UNC13C: variants seen among roughly 807,000 people sequenced by gnomAD.
UNC13C encodes protein unc-13 homolog C.
UNC13C carries 174 observed loss-of-function variants against 245.4 expected under a neutral mutation model. The ratio of observed to expected loss-of-function variants is 0.71; its 90% CI spans 0.63 to 0.80. UNC13C has a LOEUF of 0.80. UNC13C is among the 30% of genes least tolerant of loss of function. The pLI is 0.00. For missense variants in UNC13C, 2,829 were observed against 2,602.9 expected, an observed-to-expected ratio of 1.09 and a Z score of -1.89; for synonymous variants, 992 against 895.1, an observed-to-expected ratio of 1.11 and a Z score of -1.93.
At chr15:54,485,366 T>C (rs1893351795) in intron 19 of UNC13C, among the ~76,000 whole-genome samples, 2 of 152,220 alleles carry the variant, frequency 1.3e-5, no homozygotes, top group South Asian at 4.1e-4. Context: ...CTCAGGTTAT[T>C]TAGTAGGAAA....
chr15:54,254,057 T>C (rs560406190), intron 8 of UNC13C, among the ~76,000 whole-genome samples: 1 of 152,258 alleles, frequency 6.6e-6, no homozygotes, highest in Non-Finnish European at 1.5e-5. Context: ...TGCTTTCTAC[T>C]GACATTATGT....
At chr15:54,099,293 G>A (rs1404693622) in intron 2 of UNC13C, among the ~76,000 whole-genome samples, 1 of 152,064 alleles carries the variant, frequency 6.6e-6, no homozygotes, top group Non-Finnish European at 1.5e-5. Flanking sequence ...TTTCTCCCAT[G>A]GAAAAAGCCA....
chr15:54,090,689 T>G (rs1899518193), intron 2 of UNC13C, among the ~76,000 whole-genome samples: 1 of 152,208 alleles, frequency 6.6e-6, no homozygotes, highest in Admixed American at 6.5e-5. Context: ...TACTCATCCC[T>G]TTTTCCATCT....
intron 2 of UNC13C, among the ~76,000 whole-genome samples, chr15:54,017,943 T>C (rs981630083): frequency 4.6e-5 from 7 of 152,210 alleles, no homozygotes; most frequent in Non-Finnish European, 7.3e-5. Context: ...GGATATCATC[T>C]GTCCTAGAGG....
chr15:53,849,039 T>A, the UNC13C span, among the ~76,000 whole-genome samples: 1 of 151,856 alleles, frequency 6.6e-6, no homozygotes, highest in Admixed American at 6.6e-5. Context: ...GAATTTCTTG[T>A]AGATAGCTGC....
At chr15:54,410,937 A>G (rs1038076188) in intron 18 of UNC13C, among the ~76,000 whole-genome samples, 4 of 152,150 alleles carry the variant, frequency 2.6e-5, no homozygotes, top group Admixed American at 6.5e-5. Flanking sequence ...AACATTTTGC[A>G]TTCTCAAAAG....
chr15:54,592,705 T>C (rs1323812634), intron 30 of UNC13C, among the ~76,000 whole-genome samples: 1 of 152,202 alleles, frequency 6.6e-6, no homozygotes, highest in Admixed American at 6.5e-5. Context: ...GTGAGCCTCC[T>C]GAAGGCAGCA....
chr15:54,367,954 T>G (rs1029629621), intron 17 of UNC13C, among the ~76,000 whole-genome samples: 1 of 152,110 alleles, frequency 6.6e-6, no homozygotes, highest in Non-Finnish European at 1.5e-5. Context: ...TTGGAAAACA[T>G]AACTCTGGAA....
chr15:53,873,882 T>C, the UNC13C span, among the ~76,000 whole-genome samples: 1 of 149,948 alleles, frequency 6.7e-6, no homozygotes, highest in Non-Finnish European at 1.5e-5. Context: ...TTTCTATCTC[T>C]TCTCTTCCTT....
intron 17 of UNC13C, among the ~76,000 whole-genome samples, chr15:54,370,153 A>G (rs963448485): frequency 6.6e-6 from 1 of 152,080 alleles, no homozygotes; most frequent in African/African-American, 2.4e-5. Context: ...ACCTCTTTCT[A>G]TGCACAGATA....
At chr15:54,299,505 G>A (rs887417746) in intron 12 of UNC13C, among the ~76,000 whole-genome samples, 6 of 152,030 alleles carry the variant, frequency 3.9e-5, no homozygotes, top group African/African-American at 1.2e-4. Flanking sequence ...TGCAAAATAC[G>A]CTCTATCATG....
At chr15:54,189,142 T>C (rs1296841677) in intron 4 of UNC13C, among the ~76,000 whole-genome samples, 3 of 152,158 alleles carry the variant, frequency 2.0e-5, no homozygotes, top group Non-Finnish European at 4.4e-5. Context: ...ACTAGACATC[T>C]GTATTCATAT....
chr15:54,369,339 C>CG (rs1385235233), intron 17 of UNC13C, among the ~76,000 whole-genome samples: 1 of 152,046 alleles, frequency 6.6e-6, no homozygotes, highest in Non-Finnish European at 1.5e-5. Flanking sequence ...TTGCCTTTGC[C>CG]GAAGCCCTTT....
chr15:54,401,241 A>G (rs1390534986), intron 18 of UNC13C, among the ~76,000 whole-genome samples: 2 of 152,162 alleles, frequency 1.3e-5, no homozygotes, highest in Non-Finnish European at 2.9e-5. Context: ...TCAATTTAAT[A>G]AATATGTATT....
the UNC13C span, among the ~76,000 whole-genome samples, chr15:53,902,769 G>T: frequency 1.3e-5 from 2 of 152,098 alleles, no homozygotes; most frequent in African/African-American, 2.4e-5. Flanking sequence ...GGTTTAGGGG[G>T]CTCAAAATGC....
At chr15:54,137,087 G>T (rs963890646) in intron 2 of UNC13C, among the ~76,000 whole-genome samples, 1 of 152,142 alleles carries the variant, frequency 6.6e-6, no homozygotes, top group African/African-American at 2.4e-5. Flanking sequence ...GTAGTGATCT[G>T]CCCACTTGGG....
chr15:54,587,085 A>G (rs1464449607), intron 30 of UNC13C, among the ~76,000 whole-genome samples: 3 of 152,212 alleles, frequency 2.0e-5, no homozygotes, highest in African/African-American at 7.2e-5. Flanking sequence ...TCCATCACTT[A>G]CTACCACCAT....
chr15:54,618,621 C>A (rs1029612438), intron 30 of UNC13C, among the ~76,000 whole-genome samples: 38 of 152,100 alleles, frequency 2.5e-4, no homozygotes, highest in African/African-American at 8.9e-4. Context: ...AGACAATTGA[C>A]AAATTTCACT....
chr15:53,838,618 T>C, the UNC13C span, among the ~76,000 whole-genome samples: 70 of 152,188 alleles, frequency 4.6e-4, no homozygotes, highest in African/African-American at 1.5e-3. Flanking sequence ...AACTTGATTA[T>C]AATGAACTAT....
Sources: gnomAD v4.1 joint callset for allele counts (sites outside exome capture counted in the v4.1 genomes callset) on GRCh38, gnomAD v4.1.1 for gene constraint, MANE v1.5 for transcripts, NCBI Gene and HGNC (gene_info 2026-07-23, HGNC 2026-07-21) for gene names.